The following SPARCL1 variants were observed in gnomAD, a reference collection of about 807,000 sequenced individuals.
The protein encoded by SPARCL1 is SPARC like 1, also known as SPARC-like protein 1.
In SPARCL1, 52 loss-of-function variants were observed where a neutral mutation model predicts 67.1. That is an observed-to-expected ratio of 0.78 (90% CI 0.62 to 0.98). The LOEUF (loss-of-function observed/expected upper bound fraction) is 0.98, where lower values mean the gene tolerates loss of function less well. SPARCL1 is among the 50% of genes least tolerant of loss of function. The probability of loss-of-function intolerance (pLI) is 0.00; values close to 1 mark genes in which losing one functional copy is unlikely to be tolerated. For synonymous variants in SPARCL1, 226 were observed against 267.8 expected, an observed-to-expected ratio of 0.84 and a Z score of 1.52; for missense variants, 717 against 782.4, an observed-to-expected ratio of 0.92 and a Z score of 1.00.
At chr4:87,508,527 C>T (rs1323624457) in intron 1 of SPARCL1, among the ~76,000 whole-genome samples, 1 of 152,004 alleles carries the variant, frequency 6.6e-6, no homozygotes, top group East Asian at 1.9e-4. Flanking sequence ...TGCAACATTC[C>T]TTCCTCCAGA....
intron 1 of SPARCL1, among the ~76,000 whole-genome samples, chr4:87,505,192 C>A (rs1725024535): frequency 6.6e-6 from 1 of 152,084 alleles, no homozygotes; most frequent in Non-Finnish European, 1.5e-5. Context: ...CCTAGATGAT[C>A]CTCTAACCCT....
At chr4:87,510,908 C>A (rs1449870880) in intron 1 of SPARCL1, among the ~76,000 whole-genome samples, 2 of 152,222 alleles carry the variant, frequency 1.3e-5, no homozygotes, top group Non-Finnish European at 2.9e-5. Context: ...GTGCCCACAC[C>A]TGGACGCTGG....
At chr4:87,525,976 A>C (rs6814797) in intron 1 of SPARCL1, among the ~76,000 whole-genome samples, 1 of 152,002 alleles carries the variant, frequency 6.6e-6, no homozygotes, top group Non-Finnish European at 1.5e-5. Flanking sequence ...TTTCACTTGA[A>C]TTTCAGTTAG....
At chr4:87,526,403 A>G (rs756385068) in intron 1 of SPARCL1, among the ~76,000 whole-genome samples, 1 of 152,200 alleles carries the variant, frequency 6.6e-6, no homozygotes, top group Non-Finnish European at 1.5e-5. Context: ...GATATACGAG[A>G]TTCCTTATGA....
At chr4:87,502,571 T>TTTA (rs1724896425) in intron 1 of SPARCL1, among the ~76,000 whole-genome samples, 1 of 152,230 alleles carries the variant, frequency 6.6e-6, no homozygotes, top group Non-Finnish European at 1.5e-5. Context: ...TGTCCTGTTC[T>TTTA]TTATTAGTGT....
intron 2 of SPARCL1, among the ~76,000 whole-genome samples, chr4:87,496,155 A>G (rs549022590): frequency 6.6e-6 from 1 of 152,290 alleles, no homozygotes; most frequent in Non-Finnish European, 1.5e-5. Flanking sequence ...TCTGCTATTT[A>G]CTTTCTATCT....
At chr4:87,490,692 G>T in intron 6 of SPARCL1, 68 bp downstream of exon 6, 1 of 1,104,730 alleles carries the variant, frequency 9.1e-7, no homozygotes, top group South Asian at 1.5e-5. Flanking sequence ...AAATTTCAAT[G>T]GCAAATATTT....
chr4:87,515,173 G>A (rs1560453116), intron 1 of SPARCL1, among the ~76,000 whole-genome samples: 1 of 152,208 alleles, frequency 6.6e-6, no homozygotes, highest in Non-Finnish European at 1.5e-5. Flanking sequence ...AAAGGCAGCT[G>A]CATAGTTTAA....
Position 87,493,682 on chromosome 4 carries a change from C to G in SPARCL1, c.1118G>C (p.Arg373Thr), listed in dbSNP as rs746804559. 6.2e-7 allele frequency: 1 copy of G among 1,614,120 alleles called. No individual in the cohort carries two copies. The highest frequency in any genetic ancestry group is 1.3e-5 in the African/African-American group (1 of 75,036). The change falls in exon 4 of 11, where the codon AGA (arginine) becomes ACA (threonine). Residue 373 changes from arginine to threonine, a missense_variant. Arg to Thr is a moderately conservative substitution (Grantham distance 71). Coordinates refer to ENST00000282470, the MANE Select transcript of SPARCL1 (RefSeq NM_004684.6). Reference sequence around the variant, plus strand: ...GAGGTGATAGGCAATGGATTGAGCTCTCTCGGCCTCCAGAAAGGCCTGGCT... The same window carrying G: ...GAGGTGATAGGCAATGGATTGAGCTGTCTCGGCCTCCAGAAAGGCCTGGCT... ...IPSQAFLEAE[R>T]AQSIAYHLKI...
At chr4:87,522,109 G>A (rs1381677804) in intron 1 of SPARCL1, among the ~76,000 whole-genome samples, 1 of 152,146 alleles carries the variant, frequency 6.6e-6, no homozygotes. Context: ...AGCTTTTAAA[G>A]TATTAATGAG....
chr4:87,519,864 C>T (rs1725733760), intron 1 of SPARCL1, among the ~76,000 whole-genome samples: 1 of 152,300 alleles, frequency 6.6e-6, no homozygotes, highest in Middle Eastern at 3.4e-3. Flanking sequence ...GATGACCCCT[C>T]TCCAAGCAGT....
At chr4:87,477,162 G>A (rs888835940) in intron 10 of SPARCL1, among the ~76,000 whole-genome samples, 5 of 152,330 alleles carry the variant, frequency 3.3e-5, no homozygotes, top group African/African-American at 9.6e-5. Context: ...ACACACTGAA[G>A]AGCTGCCAGA....
rs747977397 is a variant in SPARCL1, at chr4:87,491,653, G to T, written c.1256C>A (p.Thr419Lys). The change falls in exon 5 of 11, where the codon ACG (threonine) becomes AAG (lysine). Residue 419 changes from threonine to lysine, a missense_variant. Physicochemically the swap from Thr to Lys is moderately conservative, Grantham distance 78. Transcript: ENST00000282470. Reference protein sequence around the residue: ...KAENSSNEEETSSEGNMRVHA... With the variant: ...KAENSSNEEEKSSEGNMRVHA... ...CACCCTCATGTTGCCTTCACTTGAC[G>T]TTTCCTCCTCATTTGATGAGTTCTC... 1.4e-5 allele frequency: 23 copies of T among 1,613,556 alleles called. No individual in the cohort carries two copies. In the South Asian group the frequency reaches 2.4e-4, roughly 17 times the overall value.
At chr4:87,524,180 CT>C (rs1281583590) in intron 1 of SPARCL1, among the ~76,000 whole-genome samples, 4 of 152,168 alleles carry the variant, frequency 2.6e-5, no homozygotes, top group Non-Finnish European at 5.9e-5. Context: ...ACTTTTTACC[CT>C]GGTGTTAATC....
intron 1 of SPARCL1, among the ~76,000 whole-genome samples, chr4:87,513,421 G>A (rs1162112551): frequency 6.6e-6 from 1 of 152,180 alleles, no homozygotes; most frequent in Non-Finnish European, 1.5e-5. Flanking sequence ...CAGAAGTTCT[G>A]GCTTTGGGCC....
chr4:87,513,662 T>C (rs548836540), intron 1 of SPARCL1, among the ~76,000 whole-genome samples: 1 of 152,138 alleles, frequency 6.6e-6, no homozygotes, highest in East Asian at 1.9e-4. Context: ...CATTTATATC[T>C]TGTATTAACT....
chr4:87,473,909 A>C (rs1215334473), intron 10 of SPARCL1, 106 bp from the exon 11 acceptor site: 2 of 695,986 alleles, frequency 2.9e-6, no homozygotes, highest in East Asian at 5.3e-5. Flanking sequence ...ATAAGGCAGT[A>C]TAATGGTGAT....
In SPARCL1 at chr4:87,490,761, T is replaced by TG. The variant is rs1478390946; in HGVS notation, c.1408dup (p.Gln470ProfsTer6). On this transcript the variant is annotated frameshift_variant and splice_region_variant, in exon 6 of 11. Transcript: ENST00000282470. LOFTEE classifies it high-confidence loss of function. ...AAGACTATTTTGCAGAATACTTACT[T>TG]GATCAAGGGGTTTTGTTGGAGGACA... 2 of 1,585,762 alleles carry TG rather than the reference T, an allele frequency of 1.3e-6. No individual in the cohort carries two copies. Among genetic ancestry groups the TG allele is most frequent in the Non-Finnish European group, 1.7e-6 (2 of 1,160,554 alleles).
intron 1 of SPARCL1, among the ~76,000 whole-genome samples, chr4:87,502,934 A>G (rs533544807): frequency 1.3e-5 from 2 of 152,352 alleles, no homozygotes; most frequent in South Asian, 4.1e-4. Context: ...TTTTCTCTAG[A>G]GGAGAAATTC....
Sources: gnomAD v4.1 joint callset for allele counts (sites outside exome capture counted in the v4.1 genomes callset) on GRCh38, gnomAD v4.1.1 for gene constraint, MANE v1.5 for transcripts, NCBI Gene and HGNC (gene_info 2026-07-23, HGNC 2026-07-21) for gene names.